LARGE1: variants seen among roughly 807,000 people sequenced by gnomAD.
The protein encoded by LARGE1 is xylosyl- and glucuronyltransferase LARGE1.
In LARGE1, 43 loss-of-function variants were observed where a neutral mutation model predicts 87.6. The ratio of observed to expected loss-of-function variants is 0.49; its 90% CI spans 0.38 to 0.63. The LOEUF (loss-of-function observed/expected upper bound fraction) is 0.63. Among genes scored for constraint, LARGE1 ranks in the 30% least tolerant of loss-of-function variants. The pLI, the probability that LARGE1 is intolerant of heterozygous loss-of-function variation, is 0.00. For synonymous variants in LARGE1, 434 were observed against 394.6 expected, an observed-to-expected ratio of 1.10 and a Z score of -1.18; for missense variants, 802 against 1,000.2, an observed-to-expected ratio of 0.80 and a Z score of 2.67.
In LARGE1 at chr22:33,457,293, C is replaced by CTTTTTT. The variant is rs759460321; in HGVS notation, c.788-25034_788-25029dup. Among the ~76,000 whole-genome samples, 62 of 74,924 alleles carry CTTTTTT rather than the reference C, an allele frequency of 8.3e-4. 2 individuals carry two copies. The highest frequency in any genetic ancestry group is 1.8e-3 in the African/African-American group (32 of 18,138). The allele number at this position is 74,924 out of a possible 152,430, so 49.2% of individuals were successfully genotyped here. A position where few individuals can be genotyped will look rare whatever the true frequency, so the allele number is the denominator to read the frequency against. On this transcript the variant is annotated intron_variant, in intron 6 of 14. Transcript: ENST00000397394. ...CAGGTGCCTGCCACCACGCCTGGCT[C>CTTTTTT]TTTTTTTTTTTTTTTTTTTTTTTTT...
chr22:33,395,927 A>G (rs1053159713), intron 7 of LARGE1, among the ~76,000 whole-genome samples: 3 of 152,224 alleles, frequency 2.0e-5, no homozygotes. Flanking sequence ...AAAGGTGGTT[A>G]CGGCTTCCAA....
At chr22:33,209,857 C>T (rs1039820020) in intron 11 of LARGE1, among the ~76,000 whole-genome samples, 11 of 152,182 alleles carry the variant, frequency 7.2e-5, no homozygotes, top group East Asian at 3.9e-4. Flanking sequence ...CTATTTTTTC[C>T]GGGCTGGTCT....
At chr22:33,239,225 G>C (rs1461498357) in intron 11 of LARGE1, among the ~76,000 whole-genome samples, 1 of 151,972 alleles carries the variant, frequency 6.6e-6, no homozygotes, top group Non-Finnish European at 1.5e-5. Flanking sequence ...TACATACCTA[G>C]TGAAATTGCT....
At chr22:33,704,727 C>T (rs975861940) in intron 2 of LARGE1, 2 of 152,422 alleles carry the variant, frequency 1.3e-5, no homozygotes, top group African/African-American at 4.8e-5. Context: ...TCCTGATACA[C>T]CAACCTTTAT....
chr22:33,560,263 G>T (rs1209830021), intron 6 of LARGE1, among the ~76,000 whole-genome samples: 1 of 152,176 alleles, frequency 6.6e-6, no homozygotes, highest in African/African-American at 2.4e-5. Flanking sequence ...TAACAGAGTG[G>T]CTGGCACAGA....
At chr22:33,832,786 G>A (rs546540158) in intron 1 of LARGE1, among the ~76,000 whole-genome samples, 2 of 152,326 alleles carry the variant, frequency 1.3e-5, no homozygotes, top group South Asian at 2.1e-4. Flanking sequence ...CACATGCTGT[G>A]TGGTCTGGCA....
At chr22:33,132,689 T>C in the LARGE1 span, among the ~76,000 whole-genome samples, 3 of 151,914 alleles carry the variant, frequency 2.0e-5, no homozygotes, top group Non-Finnish European at 2.9e-5. Flanking sequence ...AGATTTTTTC[T>C]GGCCTTTCAG....
chr22:33,509,132 T>C (rs961837385), intron 6 of LARGE1, among the ~76,000 whole-genome samples: 11 of 151,944 alleles, frequency 7.2e-5, no homozygotes, highest in Non-Finnish European at 1.6e-4. Context: ...TTTCAAACTT[T>C]CCCACGCATT....
At chr22:33,497,534 G>T (rs2070198590) in intron 6 of LARGE1, among the ~76,000 whole-genome samples, 1 of 152,210 alleles carries the variant, frequency 6.6e-6, no homozygotes, top group African/African-American at 2.4e-5. Flanking sequence ...TGTCTAAAAA[G>T]AGTCTTGTGC....
At chr22:33,791,151 C>A (rs541565823) in intron 1 of LARGE1, among the ~76,000 whole-genome samples, 9 of 152,184 alleles carry the variant, frequency 5.9e-5, no homozygotes, top group Non-Finnish European at 1.0e-4. Context: ...AGCTCATGAG[C>A]GAGATAAATC....
At chr22:33,819,279 T>C (rs561111649) in intron 1 of LARGE1, among the ~76,000 whole-genome samples, 2 of 152,270 alleles carry the variant, frequency 1.3e-5, no homozygotes, top group Admixed American at 6.5e-5. Flanking sequence ...AAGCTCTTCA[T>C]TGCGCTAATA....
intron 6 of LARGE1, among the ~76,000 whole-genome samples, chr22:33,489,646 T>C (rs1416983625): frequency 1.3e-5 from 2 of 152,184 alleles, no homozygotes; most frequent in Non-Finnish European, 2.9e-5. Flanking sequence ...GCCTTTCCCC[T>C]TCTGCCATGA....
chr22:33,620,260 G>A lies in LARGE1; in HGVS notation c.491+5984C>T, dbSNP rs75787285. ...GCCAACAAGGCTGTAGAGTGTGAAAGCAGATCATGCTAGCAAACAAATATT... is the reference window on the plus strand; with the variant it reads ...GCCAACAAGGCTGTAGAGTGTGAAAACAGATCATGCTAGCAAACAAATATT... On this transcript the variant is annotated intron_variant, in intron 4 of 14. Coordinates refer to ENST00000397394, the MANE Select transcript of LARGE1 (RefSeq NM_133642.5). Among the ~76,000 whole-genome samples the A allele has an allele frequency of 3.3e-5, 5 of 152,336 alleles. No individual in the cohort carries two copies. In the East Asian group the frequency reaches 9.6e-4, roughly 29 times the overall value.
chr22:33,759,189 A>G (rs1401566613), intron 2 of LARGE1, among the ~76,000 whole-genome samples: 1 of 152,166 alleles, frequency 6.6e-6, no homozygotes, highest in Non-Finnish European at 1.5e-5. Context: ...CCTACCTCTG[A>G]ACTTACAAAT....
At chr22:33,344,933 C>A (rs1156465952) in intron 9 of LARGE1, among the ~76,000 whole-genome samples, 1 of 152,292 alleles carries the variant, frequency 6.6e-6, no homozygotes, top group South Asian at 2.1e-4. Context: ...CATTTATTGA[C>A]AGGCTTTCAC....
intron 11 of LARGE1, among the ~76,000 whole-genome samples, chr22:33,185,749 G>A (rs137388): frequency 0.6 from 90,973 of 151,902 alleles, 27,485 homozygotes; most frequent in Middle Eastern, 0.66. Context: ...TAATAAAACC[G>A]AAAGTCTGTT....
At chr22:33,247,047 ATGTGTGTGTGTGTGTGTGTGTG>A (rs10532057) in intron 11 of LARGE1, among the ~76,000 whole-genome samples, 7,069 of 146,272 alleles carry the variant, frequency 0.048, 553 homozygotes, top group African/African-American at 0.17. Flanking sequence ...TGCAGCCAGT[ATGTGTGTGTGTGTGTGTGTGTG>A]TGTGTGTGTG....
chr22:33,568,804 T>C (rs1478052364), intron 5 of LARGE1, among the ~76,000 whole-genome samples: 1 of 143,964 alleles, frequency 6.9e-6, no homozygotes, highest in African/African-American at 2.5e-5. Flanking sequence ...ATGCCTTGTA[T>C]ATAATAGGTA....
the LARGE1 span, among the ~76,000 whole-genome samples, chr22:33,154,098 G>T: frequency 6.6e-6 from 1 of 150,988 alleles, no homozygotes; most frequent in Admixed American, 6.6e-5. Context: ...TGTTATAATT[G>T]TTTATGACAG....
Sources: allele counts gnomAD v4.1 joint callset (sites outside exome capture counted in the v4.1 genomes callset), GRCh38; gene constraint gnomAD v4.1.1; transcripts MANE v1.5; gene names NCBI Gene and HGNC (gene_info 2026-07-23, HGNC 2026-07-21).